SLC2A12: variants seen among roughly 807,000 people sequenced by gnomAD.
SLC2A12 encodes solute carrier family 2, facilitated glucose transporter member 12.
Under a neutral mutation model 41.8 loss-of-function variants are expected in SLC2A12, and 23 were observed. The observed-to-expected ratio is 0.55, with a 90% CI of 0.40 to 0.78. The LOEUF is 0.78. Among genes scored for constraint, SLC2A12 ranks in the 30% least tolerant of loss-of-function variants. The pLI is 0.00. For synonymous variants in SLC2A12, 295 were observed against 285.9 expected (o/e 1.03, Z -0.32); for missense variants, 654 against 745.6 (o/e 0.88, Z 1.43).
intron 2 of SLC2A12, among the ~76,000 whole-genome samples, chr6:134,022,358 C>A (rs1289938486): frequency 6.6e-6 from 1 of 152,060 alleles, no homozygotes; most frequent in Non-Finnish European, 1.5e-5. Context: ...TGGCGAAACC[C>A]CGTCTCTACT....
intron 1 of SLC2A12, among the ~76,000 whole-genome samples, chr6:134,032,449 AATATATATATATATATTTTTATAT>A (rs1777228234): frequency 1.3e-4 from 4 of 31,968 alleles, no homozygotes; most frequent in African/African-American, 5.3e-4. Flanking sequence ...TATATATATA[AATATATATATATATATTTTTATAT>A]ATATATATAT....
intron 2 of SLC2A12, among the ~76,000 whole-genome samples, chr6:134,020,141 C>T (rs903579853): frequency 2.0e-5 from 3 of 151,912 alleles, no homozygotes; most frequent in Admixed American, 2.0e-4. Flanking sequence ...AGTAAAATGA[C>T]GTGGGGCATC....
chr6:134,022,500 C>A (rs1239293179), intron 2 of SLC2A12, among the ~76,000 whole-genome samples: 2 of 150,632 alleles, frequency 1.3e-5, no homozygotes. Context: ...CGTTGCACTC[C>A]AGCCTAGGTG....
At chr6:134,012,278 G>A (rs902582984) in intron 2 of SLC2A12, among the ~76,000 whole-genome samples, 3 of 152,056 alleles carry the variant, frequency 2.0e-5, no homozygotes, top group Non-Finnish European at 4.4e-5. Context: ...TAATCTTTCT[G>A]TCCTAAAGAT....
At chr6:134,020,334 CA>C (rs1279403421) in intron 2 of SLC2A12, among the ~76,000 whole-genome samples, 2 of 152,154 alleles carry the variant, frequency 1.3e-5, no homozygotes, top group East Asian at 3.8e-4. Context: ...TCTATTTACA[CA>C]AAGGATTTAT....
At chr6:134,022,621 TCTC>T (rs1341140579) in intron 2 of SLC2A12, among the ~76,000 whole-genome samples, 1 of 152,116 alleles carries the variant, frequency 6.6e-6, no homozygotes, top group Non-Finnish European at 1.5e-5. Flanking sequence ...TCATTTCTAA[TCTC>T]CTTTTCATCT....
In SLC2A12 at chr6:134,015,060, C is replaced by T. The variant is rs147803676; in HGVS notation, c.1445-8126G>A. On this transcript the variant is annotated intron_variant, in intron 2 of 4. Coordinates refer to ENST00000275230, the MANE Select transcript of SLC2A12 (RefSeq NM_145176.3). ...TATAATAATTCACCATTCCCATCAC[C>T]CTAAATGACCTTTGACTTAATTAGT... Among the ~76,000 whole-genome samples, 610 of 152,216 alleles carry T rather than the reference C, an allele frequency of 4.0e-3. 3 individuals are homozygous for T. The highest frequency in any genetic ancestry group is 0.013 in the African/African-American group (555 of 41,518).
Position 134,028,371 on chromosome 6 carries a change from A to G in SLC2A12, c.1444+10T>C. 1 of 1,590,306 alleles carries G rather than the reference A, an allele frequency of 6.3e-7. No homozygotes were observed. On this transcript the variant is annotated intron_variant, in intron 2 of 4. Transcript: ENST00000275230. ...GTCAAAAGCAATACATTAAAGAATA[A>G]AGTACTTACTTGGTCCTAGACCAAT... is the stretch of plus-strand genomic sequence containing the variant.
At chr6:134,035,317 C>T (rs1033292866) in intron 1 of SLC2A12, among the ~76,000 whole-genome samples, 5 of 151,986 alleles carry the variant, frequency 3.3e-5, no homozygotes, top group Non-Finnish European at 5.9e-5. Context: ...AGAACCACTC[C>T]GCCCCAAAGC....
Position 133,990,540 on chromosome 6 carries a change from A to G in SLC2A12, c.*615T>C, listed in dbSNP as rs1277773522. ...ATATTAACATGAAATTCATAAAAGG[A>G]TATTTTGCATTAAATTATAGTTTAT... On this transcript the variant is annotated 3_prime_UTR_variant, in exon 5 of 5. Coordinates refer to ENST00000275230, the MANE Select transcript of SLC2A12 (RefSeq NM_145176.3). The G allele has an allele frequency of 6.6e-6, 1 of 152,498 alleles. No individual in the cohort carries two copies. The highest frequency in any genetic ancestry group is 1.5e-5 in the Non-Finnish European group (1 of 68,046). 9.4% of individuals were successfully genotyped at this position (152,498 alleles called of 1,614,324 possible).
rs1303833416 is a variant in SLC2A12 at position 133,990,903 on chromosome 6, G to A, written c.*252C>T. 7.9e-6 allele frequency: 3 copies of A among 379,390 alleles called. No individual in the cohort carries two copies. The highest frequency in any genetic ancestry group is 9.3e-6 in the Non-Finnish European group (2 of 214,300). 23.5% of individuals were successfully genotyped at this position (379,390 alleles called of 1,614,324 possible). ...AAGGTAGAAAGTATTAAACCAGCCAGTAACTTTTTTTTTTTAACCTGATAT... is the reference window on the plus strand; with the variant it reads ...AAGGTAGAAAGTATTAAACCAGCCAATAACTTTTTTTTTTTAACCTGATAT... On this transcript the variant is annotated 3_prime_UTR_variant, in exon 5 of 5. Transcript: ENST00000275230.
chr6:133,991,028 A>T lies in SLC2A12; in HGVS notation c.*127T>A. The T allele has an allele frequency of 1.8e-6, 2 of 1,113,830 alleles. No homozygotes were observed. The highest frequency in any genetic ancestry group is 5.8e-4 in the Middle Eastern group (2 of 3,478). 69.0% of individuals were successfully genotyped at this position (1,113,830 alleles called of 1,614,324 possible). A position where few individuals can be genotyped will look rare whatever the true frequency, so the allele number is the denominator to read the frequency against. On this transcript the variant is annotated 3_prime_UTR_variant, in exon 5 of 5. Coordinates refer to ENST00000275230, the MANE Select transcript of SLC2A12 (RefSeq NM_145176.3). ...GATTAAAGGCTGTCTTTATCATTTC[A>T]GAGTGTCTCTTCAAAACCAGTTCCA...
chr6:134,032,799 T>TATAC (rs897145433), intron 1 of SLC2A12, among the ~76,000 whole-genome samples: 7 of 143,722 alleles, frequency 4.9e-5, no homozygotes, highest in Non-Finnish European at 9.0e-5. Flanking sequence ...ATATTATATA[T>TATAC]ATATAATTTA....
intron 1 of SLC2A12, among the ~76,000 whole-genome samples, chr6:134,031,275 C>T (rs1777202693): frequency 6.6e-6 from 1 of 151,976 alleles, no homozygotes; most frequent in African/African-American, 2.4e-5. Context: ...CCTTGTAGTC[C>T]CAGCTACTCA....
chr6:134,035,797 CA>C (rs1473987494), intron 1 of SLC2A12, among the ~76,000 whole-genome samples: 8 of 152,166 alleles, frequency 5.3e-5, no homozygotes, highest in Non-Finnish European at 1.0e-4. Flanking sequence ...GATGCAATGA[CA>C]ATTCTTTATT....
intron 1 of SLC2A12, among the ~76,000 whole-genome samples, chr6:134,032,423 TATTTATATATATATATATATATATAA>T (rs1252283352): frequency 6.0e-4 from 20 of 33,114 alleles, no homozygotes; most frequent in Admixed American, 5.1e-3. Flanking sequence ...TATATATATA[TATTTATATATATATATATATATATAA>T]ATATATATAT....
intron 1 of SLC2A12, among the ~76,000 whole-genome samples, chr6:134,045,091 T>G (rs919017955): frequency 6.6e-6 from 1 of 152,238 alleles, no homozygotes; most frequent in Non-Finnish European, 1.5e-5. Flanking sequence ...GATTCCTACC[T>G]ATTATGAATT....
chr6:134,028,366 G>A lies in SLC2A12; in HGVS notation c.1444+15C>T. 1 of 1,584,744 alleles carries A rather than the reference G, an allele frequency of 6.3e-7. No individual in the cohort carries two copies. The highest frequency in any genetic ancestry group is 8.6e-7 in the Non-Finnish European group (1 of 1,165,854). On this transcript the variant is annotated intron_variant, in intron 2 of 4. Transcript: ENST00000275230. ...GACTGGTCAAAAGCAATACATTAAAGAATAAAGTACTTACTTGGTCCTAGA... is the reference window on the plus strand; with the variant it reads ...GACTGGTCAAAAGCAATACATTAAAAAATAAAGTACTTACTTGGTCCTAGA...
At chr6:134,040,765 T>C (rs1006631995) in intron 1 of SLC2A12, among the ~76,000 whole-genome samples, 2 of 152,216 alleles carry the variant, frequency 1.3e-5, no homozygotes, top group African/African-American at 4.8e-5. Context: ...TAATATCTCA[T>C]TGACCAGAGC....
Sources: allele counts gnomAD v4.1 joint callset (sites outside exome capture counted in the v4.1 genomes callset), GRCh38; gene constraint gnomAD v4.1.1; transcripts MANE v1.5; gene names NCBI Gene and HGNC (gene_info 2026-07-23, HGNC 2026-07-21).